The following NRF1 variants were observed in gnomAD, a reference collection of about 807,000 sequenced individuals.
NRF1 encodes the protein nuclear respiratory factor 1, also known as alpha palindromic-binding protein.
In NRF1, 5 loss-of-function variants were observed where a neutral mutation model predicts 58.5. The observed-to-expected ratio is 0.09, with a 90% confidence interval of 0.04 to 0.18. The LOEUF (loss-of-function observed/expected upper bound fraction) is 0.18, where lower values mean the gene tolerates loss of function less well. Ranked by LOEUF, NRF1 falls within the 10% of genes least tolerant of loss-of-function variation. The pLI is 1.00. For synonymous variants in NRF1, 224 were observed against 246.7 expected (o/e 0.91, Z 0.86); for missense variants, 288 against 657.7 (o/e 0.44, Z 6.15).
chr7:129,740,619 TG>T (rs1803824659), intron 10 of NRF1, among the ~76,000 whole-genome samples: 1 of 152,224 alleles, frequency 6.6e-6, no homozygotes, highest in Non-Finnish European at 1.5e-5. Flanking sequence ...CAGGGTTCTT[TG>T]GTGCTTTTCT....
rs1474798753 is a variant in NRF1, at chr7:129,741,628, A to C, written c.1349-13390A>C. On this transcript the variant is annotated intron_variant, in intron 10 of 10. Coordinates refer to ENST00000393232, the MANE Select transcript of NRF1 (RefSeq NM_005011.5). This position sits in a 1 kb window ranked among gnomAD's most constrained non-coding sequence, Gnocchi z 4.0. Reference sequence around the variant, plus strand: ...TCACTGTTCACACAGGAATCACAATATTAGAACAGGAAAAATTCTTATAAA... The same window carrying C: ...TCACTGTTCACACAGGAATCACAATCTTAGAACAGGAAAAATTCTTATAAA... Among the ~76,000 whole-genome samples, 1 of 152,230 alleles carries C rather than the reference A, an allele frequency of 6.6e-6. No homozygotes were observed. Among genetic ancestry groups the C allele is most frequent in the African/African-American group, 2.4e-5 (1 of 41,470 alleles).
intron 1 of NRF1, chr7:129,633,459 T>C (rs1048217006): frequency 3.3e-5 from 5 of 152,240 alleles, no homozygotes; most frequent in African/African-American, 1.2e-4. Flanking sequence ...CTTTGAACCC[T>C]TGTGCACTTT....
intron 5 of NRF1, among the ~76,000 whole-genome samples, chr7:129,699,100 A>G (rs755066156): frequency 1.3e-5 from 2 of 152,080 alleles, no homozygotes; most frequent in Non-Finnish European, 2.9e-5. Flanking sequence ...CATTGGGGCA[A>G]TCTTTGTTGC....
chr7:129,718,849 C>A (rs1803250332), intron 9 of NRF1, among the ~76,000 whole-genome samples: 1 of 152,168 alleles, frequency 6.6e-6, no homozygotes, highest in African/African-American at 2.4e-5. Flanking sequence ...TCCTGAGAAA[C>A]ATAACCTCTG....
At chr7:129,751,430 T>G (rs1042821166) in intron 10 of NRF1, among the ~76,000 whole-genome samples, 3 of 152,228 alleles carry the variant, frequency 2.0e-5, no homozygotes, top group African/African-American at 7.2e-5. Flanking sequence ...ATTTTTGCAT[T>G]AGAACCTTGC....
chr7:129,664,797 A>G (rs888332198), intron 2 of NRF1, among the ~76,000 whole-genome samples: 4 of 152,240 alleles, frequency 2.6e-5, no homozygotes, highest in Admixed American at 6.5e-5. Flanking sequence ...TTAATATTCA[A>G]TTATTGAGGA....
At chr7:129,620,705 A>G (rs1800779791) in intron 1 of NRF1, among the ~76,000 whole-genome samples, 1 of 152,186 alleles carries the variant, frequency 6.6e-6, no homozygotes, top group Non-Finnish European at 1.5e-5. Flanking sequence ...ATTGTTTTAA[A>G]GGGAAAGTGT....
At chr7:129,690,362 G>C (rs1802537245) in intron 4 of NRF1, 44 bp from the exon 5 acceptor site, 1 of 1,592,572 alleles carries the variant, frequency 6.3e-7, no homozygotes, top group Non-Finnish European at 8.6e-7. Context: ...AATCCTCCCT[G>C]GTTGTTGGGC....
intron 2 of NRF1, among the ~76,000 whole-genome samples, chr7:129,670,217 G>A (rs1462794779): frequency 6.6e-6 from 1 of 152,220 alleles, no homozygotes; most frequent in Admixed American, 6.5e-5. Flanking sequence ...CTTCAGTGAT[G>A]CAAGGGGAAT....
chr7:129,682,083 A>G (rs536643816), intron 4 of NRF1, among the ~76,000 whole-genome samples: 18 of 57,598 alleles, frequency 3.1e-4, no homozygotes, highest in African/African-American at 6.2e-4. Flanking sequence ...CCCTGTCTCA[A>G]TCAGTTAGTC....
Position 129,691,349 on chromosome 7 carries a change from TTTA to T in NRF1, c.606+818_606+820del, listed in dbSNP as rs61017777. ...CATATTTTCCCACCCTATTTATTTATTTATTATTATTATTATTTTTTTTTTTTT... is the reference window on the plus strand; with the variant it reads ...CATATTTTCCCACCCTATTTATTTATTTATTATTATTATTTTTTTTTTTTT... On this transcript the variant is annotated intron_variant, in intron 5 of 10. Coordinates refer to ENST00000393232, the MANE Select transcript of NRF1 (RefSeq NM_005011.5). Among the ~76,000 whole-genome samples the T allele has an allele frequency of 9.1e-4, 125 of 137,586 alleles. 5 individuals carry two copies. The highest frequency in any genetic ancestry group is 1.3e-3 in the East Asian group (6 of 4,676). 90.3% of individuals were successfully genotyped at this position (137,586 alleles called of 152,430 possible).
chr7:129,622,794 T>G (rs1408704388), intron 1 of NRF1, among the ~76,000 whole-genome samples: 1 of 152,148 alleles, frequency 6.6e-6, no homozygotes, highest in Non-Finnish European at 1.5e-5. Flanking sequence ...AGTTTTGAAC[T>G]CCTGACCTCA....
chr7:129,674,881 G>A (rs1163613532), intron 3 of NRF1, among the ~76,000 whole-genome samples: 1 of 152,148 alleles, frequency 6.6e-6, no homozygotes, highest in East Asian at 1.9e-4. Context: ...GGTGGCTGCG[G>A]CAATTTCTTA....
chr7:129,743,009 C>A (rs1029571402), intron 10 of NRF1, among the ~76,000 whole-genome samples: 3 of 152,024 alleles, frequency 2.0e-5, no homozygotes, highest in Non-Finnish European at 2.9e-5. Context: ...CTTAAGGAAG[C>A]CTGGGAGTTT....
intron 4 of NRF1, among the ~76,000 whole-genome samples, chr7:129,678,329 A>T (rs1003745166): frequency 6.6e-6 from 1 of 152,206 alleles, no homozygotes; most frequent in African/African-American, 2.4e-5. Flanking sequence ...TCTTGCGCCA[A>T]ATTAACTTTG....
intron 1 of NRF1, among the ~76,000 whole-genome samples, chr7:129,656,939 A>G (rs1407316117): frequency 1.3e-5 from 2 of 152,102 alleles, no homozygotes; most frequent in Non-Finnish European, 2.9e-5. Context: ...TTTGACTCTC[A>G]CTCGTCTTTG....
intron 10 of NRF1, among the ~76,000 whole-genome samples, chr7:129,750,126 A>G (rs1804078846): frequency 1.3e-5 from 2 of 152,238 alleles, no homozygotes; most frequent in Admixed American, 6.5e-5. Flanking sequence ...CCAGGACTCT[A>G]CAAGGGCCCT....
intron 1 of NRF1, among the ~76,000 whole-genome samples, chr7:129,655,120 A>G (rs1801622006): frequency 6.6e-6 from 1 of 151,976 alleles, no homozygotes; most frequent in African/African-American, 2.4e-5. Flanking sequence ...TTTTTATTTG[A>G]TTATTTTCAT....
rs1257404141 is a variant in NRF1, at chr7:129,735,187, ACCCT to A, written c.1348+7829_1348+7832del. On this transcript the variant is annotated intron_variant, in intron 10 of 10. Transcript: ENST00000393232. ...TGCCCTGGTTAAGACTAGGGTCTCA[ACCCT>A]CCCTCCTCATGTTCTGAATGAAGAG... 4 of 985,098 alleles carry A rather than the reference ACCCT, an allele frequency of 4.1e-6. No homozygotes were observed. The African/African-American group carries it at 7.0e-5, about 17-fold the overall frequency. The allele number at this position is 985,098 out of a possible 1,614,324, so 61.0% of individuals were successfully genotyped here. A position where few individuals can be genotyped will look rare whatever the true frequency, so the allele number is the denominator to read the frequency against.
Sources: allele counts gnomAD v4.1 joint callset (sites outside exome capture counted in the v4.1 genomes callset), GRCh38; gene constraint gnomAD v4.1.1; non-coding constraint Gnocchi (gnomAD v3.1); transcripts MANE v1.5; gene names NCBI Gene and HGNC (gene_info 2026-07-23, HGNC 2026-07-21).